The following GALNS variants were observed in gnomAD, a reference collection of about 807,000 sequenced individuals.
GALNS encodes N-acetylgalactosamine-6-sulfatase.
In GALNS, 65 loss-of-function variants were observed where a neutral mutation model predicts 65.9. The observed-to-expected ratio is 0.99, with a 90% CI of 0.81 to 1.21. The LOEUF is 1.21. Ranked by LOEUF, GALNS falls within the 50% of genes most tolerant of loss-of-function variation. The probability of loss-of-function intolerance (pLI) is 0.00; values close to 1 mark genes in which losing one functional copy is unlikely to be tolerated. For missense variants in GALNS, 776 were observed against 700.7 expected, an observed-to-expected ratio of 1.11 and a Z score of -1.21; for synonymous variants, 346 against 288.9, an observed-to-expected ratio of 1.20 and a Z score of -2.00.
chr16:88,835,931 C>G, intron 6 of GALNS, 82 bp from the exon 7 acceptor site: 3 of 1,602,362 alleles, frequency 1.9e-6, no homozygotes, highest in Non-Finnish European at 2.6e-6. Context: ...CCACACGTCC[C>G]ACGGGGCGAG....
intron 1 of GALNS, among the ~76,000 whole-genome samples, chr16:88,850,882 T>C (rs756826085): frequency 7.9e-5 from 12 of 152,196 alleles, no homozygotes; most frequent in Non-Finnish European, 1.8e-4. Flanking sequence ...AATCGTGGCA[T>C]GTGCAAAAAC....
At chr16:88,830,577 C>A (rs147703919) in intron 9 of GALNS, among the ~76,000 whole-genome samples, 5 of 152,196 alleles carry the variant, frequency 3.3e-5, no homozygotes, top group Non-Finnish European at 5.9e-5. Flanking sequence ...GAAGAAACAG[C>A]GGTCGTTTAC....
intron 1 of GALNS, among the ~76,000 whole-genome samples, chr16:88,846,740 G>A (rs867369643): frequency 9.2e-5 from 14 of 151,816 alleles, no homozygotes; most frequent in Non-Finnish European, 1.8e-4. Context: ...ACGGGGTTTC[G>A]CCATGTTGGC....
chr16:88,815,551 G>A (rs1206980347), intron 13 of GALNS: 1 of 985,380 alleles, frequency 1.0e-6, no homozygotes, highest in Non-Finnish European at 1.2e-6. Context: ...AACAGAAAGG[G>A]AGACTTATGC....
chr16:88,846,734 G>A (rs948207112), intron 1 of GALNS, among the ~76,000 whole-genome samples: 2 of 152,002 alleles, frequency 1.3e-5, no homozygotes, highest in Non-Finnish European at 2.9e-5. Flanking sequence ...GTAGAGACGG[G>A]GTTTCGCCAT....
rs267606838 is a variant in GALNS, at chr16:88,826,822, C to T, written c.1019G>A (p.Gly340Asp). 2.5e-6 allele frequency: 4 copies of T among 1,585,620 alleles called. No homozygotes were observed. The highest frequency in any genetic ancestry group is 2.3e-5 in the East Asian group (1 of 43,292). ...GGTGGTGAAGAGGTCCATGATGCTGCCCAGCTGGTGGCTCACCTGAAACAC... is the reference window on the plus strand; with the variant it reads ...GGTGGTGAAGAGGTCCATGATGCTGTCCAGCTGGTGGCTCACCTGAAACAC... Reference protein sequence around the residue: ...VTAGQVSHQLGSIMDLFTTSL... With the variant: ...VTAGQVSHQLDSIMDLFTTSL... Residue 340 changes from glycine (G) to aspartate (D), a missense_variant, in exon 10 of 14, where the codon GGC becomes GAC. Gly to Asp is a moderately conservative substitution (Grantham distance 94). Transcript: ENST00000268695.
intron 1 of GALNS, chr16:88,856,270 G>C: frequency 1.4e-6 from 1 of 703,044 alleles, no homozygotes; most frequent in Non-Finnish European, 2.6e-6. Context: ...CCAGCGGGGG[G>C]ACCCGGCGGC....
chr16:88,832,195 G>A (rs756657362), intron 8 of GALNS, 94 bp from the exon 9 acceptor site: 150 of 1,159,742 alleles, frequency 1.3e-4, no homozygotes, highest in Non-Finnish European at 1.7e-4. Flanking sequence ...TGGTCATAGG[G>A]ACAAAGGGCC....
At chr16:88,815,621 G>A in intron 13 of GALNS, 1 of 985,482 alleles carries the variant, frequency 1.0e-6, no homozygotes, top group Non-Finnish European at 1.2e-6. Context: ...CCCCATCCAG[G>A]CCACTTCTGT....
At chr16:88,815,610 T>C in intron 13 of GALNS, 1 of 985,444 alleles carries the variant, frequency 1.0e-6, no homozygotes, top group Non-Finnish European at 1.2e-6. Context: ...TGGTTCTGTG[T>C]CCCCATCCAG....
At chr16:88,827,730 GC>G (rs1215483501) in intron 9 of GALNS, among the ~76,000 whole-genome samples, 2 of 152,230 alleles carry the variant, frequency 1.3e-5, no homozygotes, top group African/African-American at 2.4e-5. Context: ...ACAGGCATGA[GC>G]CCGGCGGCCC....
intron 9 of GALNS, among the ~76,000 whole-genome samples, chr16:88,830,503 G>T (rs1205254312): frequency 2.0e-5 from 3 of 152,214 alleles, no homozygotes; most frequent in Non-Finnish European, 4.4e-5. Context: ...CATCCTCGTG[G>T]GGCCACTTGA....
In GALNS at chr16:88,835,215, T is replaced by C; in HGVS notation, c.896A>G (p.Gln299Arg). The change falls in exon 8 of 14, where the codon CAA (glutamine) becomes CGA (arginine). Residue 299 changes from glutamine (Q) to arginine (R), a missense_variant and splice_region_variant. By Grantham distance (43) the Gln-to-Arg change is conservative. Coordinates refer to ENST00000268695, the MANE Select transcript of GALNS (RefSeq NM_000512.5). ...NGAALISAPE[Q>R]GGSNGPFLCG... ...GAGAAGTGACAGCGAGCACTCACCT[T>C]GTTCGGGGGCGGAAATGAGGGCAGC... The C allele has an allele frequency of 6.3e-7, 1 of 1,581,754 alleles. No individual in the cohort carries two copies.
At position 88,842,002 on chromosome 16, in the gene GALNS, A is replaced by G. The variant is rs767640503; in HGVS notation, c.245-31T>C. 22 of 1,593,794 alleles carry G rather than the reference A, an allele frequency of 1.4e-5. No individual in the cohort carries two copies. In the South Asian group the frequency reaches 1.6e-4, roughly 11 times the overall value. ...TGGAGGTGACAGAAACAGAAACTGG[A>G]TAAGAAGGGTGTGGCTCAGACCCCG... On this transcript the variant is annotated intron_variant, in intron 2 of 13. Coordinates refer to ENST00000268695, the MANE Select transcript of GALNS (RefSeq NM_000512.5).
At chr16:88,855,053 T>C (rs1476708456) in intron 1 of GALNS, 3 of 386,790 alleles carry the variant, frequency 7.8e-6, no homozygotes, top group Admixed American at 3.2e-5. Flanking sequence ...TGCTGTCCTA[T>C]GGAAACGTAG....
chr16:88,832,114 G>A lies in GALNS; in HGVS notation c.899-13C>T, dbSNP rs938443899. ...CCGTTGCTGCCACCTGGGAGAGAGGGGCCCTTGTCAGGCCACTGGGACCAG... is the reference window on the plus strand; with the variant it reads ...CCGTTGCTGCCACCTGGGAGAGAGGAGCCCTTGTCAGGCCACTGGGACCAG... On this transcript the variant is annotated splice_polypyrimidine_tract_variant and intron_variant, in intron 8 of 13. Coordinates refer to ENST00000268695, the MANE Select transcript of GALNS (RefSeq NM_000512.5). 5.0e-6 allele frequency: 8 copies of A among 1,611,114 alleles called. No individual in the cohort carries two copies. The highest frequency in any genetic ancestry group is 2.2e-5 in the East Asian group (1 of 44,816).
intron 6 of GALNS, 104 bp downstream of exon 6, chr16:88,836,097 G>T (rs1405860794): frequency 7.5e-6 from 9 of 1,194,284 alleles, no homozygotes; most frequent in Non-Finnish European, 9.7e-6. Flanking sequence ...CTCCCACGGG[G>T]TGAGGTTGAT....
chr16:88,829,968 C>G (rs949591264), intron 9 of GALNS, among the ~76,000 whole-genome samples: 1 of 152,174 alleles, frequency 6.6e-6, no homozygotes, highest in African/African-American at 2.4e-5. Flanking sequence ...CGCGGTGGCT[C>G]ACGCCTGTAA....
chr16:88,847,059 G>C lies in GALNS; in HGVS notation c.121-4230C>G, dbSNP rs116645933. Reference sequence around the variant, plus strand: ...AGTATCTGCAGCCCAGCCATGTCTGGCAGCCAAAGCCTTCAGGAGGAACGC... The same window carrying C: ...AGTATCTGCAGCCCAGCCATGTCTGCCAGCCAAAGCCTTCAGGAGGAACGC... On this transcript the variant is annotated intron_variant, in intron 1 of 13. Transcript: ENST00000268695. Among the ~76,000 whole-genome samples, 772 of 152,274 alleles carry C rather than the reference G, an allele frequency of 5.1e-3. 10 individuals carry two copies. Among genetic ancestry groups the C allele is most frequent in the African/African-American group, 0.017 (723 of 41,542 alleles).
Sources: allele counts gnomAD v4.1 joint callset (sites outside exome capture counted in the v4.1 genomes callset), GRCh38; gene constraint gnomAD v4.1.1; transcripts MANE v1.5; gene names NCBI Gene and HGNC (gene_info 2026-07-23, HGNC 2026-07-21).